IQSEC3: variants seen among roughly 807,000 people sequenced by gnomAD.
IQSEC3 encodes IQ motif and Sec7 domain ArfGEF 3.
IQSEC3 carries 50 observed loss-of-function variants against 105.4 expected under a neutral mutation model. The ratio of observed to expected loss-of-function variants is 0.47; its 90% CI spans 0.38 to 0.60. The LOEUF (loss-of-function observed/expected upper bound fraction) is 0.60. IQSEC3 is among the 20% of genes least tolerant of loss of function. The probability of loss-of-function intolerance (pLI) is 0.00; values close to 1 mark genes in which losing one functional copy is unlikely to be tolerated. For missense variants in IQSEC3, 1,415 were observed against 1,630.0 expected, an observed-to-expected ratio of 0.87 and a Z score of 2.27; for synonymous variants, 708 against 746.0, an observed-to-expected ratio of 0.95 and a Z score of 0.83.
chr12:116,259 C>T (rs1227263248), intron 2 of IQSEC3, among the ~76,000 whole-genome samples: 2 of 152,148 alleles, frequency 1.3e-5, no homozygotes, highest in Non-Finnish European at 2.9e-5. Context: ...CCCTAGTGGT[C>T]GGGCTCCAAG....
At chr12:118,442 ATGT>A (rs1188658052) in intron 2 of IQSEC3, among the ~76,000 whole-genome samples, 1 of 151,004 alleles carries the variant, frequency 6.6e-6, no homozygotes, top group Non-Finnish European at 1.5e-5. Context: ...GACGTGACGC[ATGT>A]TGTTAGCTTT....
chr12:118,104 G>A (rs140879224), intron 2 of IQSEC3, among the ~76,000 whole-genome samples: 2 of 152,332 alleles, frequency 1.3e-5, no homozygotes, highest in African/African-American at 4.8e-5. Flanking sequence ...AGAGCCCAGA[G>A]AGGGGAAGTG....
At chr12:115,081 G>C (rs1865007735) in intron 2 of IQSEC3, among the ~76,000 whole-genome samples, 1 of 152,242 alleles carries the variant, frequency 6.6e-6, no homozygotes, top group African/African-American at 2.4e-5. Flanking sequence ...AGGGAAACAA[G>C]TGGGGAATCT....
In IQSEC3 at chr12:80,969, G is replaced by A. The variant is rs535576790; in HGVS notation, c.554+13533G>A. Among the ~76,000 whole-genome samples, 8 of 152,330 alleles carry A rather than the reference G, an allele frequency of 5.3e-5. No homozygotes were observed. In the East Asian group the frequency reaches 9.6e-4, roughly 18 times the overall value. On this transcript the variant is annotated intron_variant, in intron 1 of 13. Coordinates refer to ENST00000538872, the MANE Select transcript of IQSEC3 (RefSeq NM_001170738.2). The stretch of plus-strand genomic sequence containing the variant: ...AAGGGCCGAGAGCACAGGGAGAGGC[G>A]CCTGAGGCCAAGTCAGAGAGATTGT...
rs1555092234 is a variant in IQSEC3 at position 150,166 on chromosome 12, G to A, written c.2154-6859G>A. Among the ~76,000 whole-genome samples the A allele has an allele frequency of 2.6e-5, 4 of 152,190 alleles. No individual in the cohort carries two copies. The South Asian group carries it at 6.2e-4, about 24-fold the overall frequency. On this transcript the variant is annotated intron_variant, in intron 5 of 13. Transcript: ENST00000538872. ...GAGAAGCAGCAGGGCCATGGCCCACGTGGGAGGGAGCCAGGCAGCCAGCGC... is the reference window on the plus strand; with the variant it reads ...GAGAAGCAGCAGGGCCATGGCCCACATGGGAGGGAGCCAGGCAGCCAGCGC...
chr12:127,407 T>A (rs1323322213), intron 3 of IQSEC3, among the ~76,000 whole-genome samples: 1 of 152,132 alleles, frequency 6.6e-6, no homozygotes, highest in Non-Finnish European at 1.5e-5. Flanking sequence ...TAATCCCAGC[T>A]ACTCAGGAGG....
rs1591708698 is a variant in IQSEC3 at position 139,288 on chromosome 12, C to T, written c.1925C>T (p.Ser642Leu). The T allele has an allele frequency of 1.2e-6, 2 of 1,607,182 alleles. No homozygotes were observed. The highest frequency in any genetic ancestry group is 1.7e-4 in the Middle Eastern group (1 of 6,054). ...YHCENPASCK[S>L]PTLSTDTLRK... ...TGCGAGAACCCAGCCAGCTGCAAGT[C>T]GCCCACGCTCTCCACCGACACCCTG... The change falls in exon 4 of 14, where the codon TCG (serine) becomes TTG (leucine). Residue 642 changes from serine (S) to leucine (L), a missense_variant. Transcript: ENST00000538872.
intron 3 of IQSEC3, among the ~76,000 whole-genome samples, chr12:134,612 G>T (rs1379516560): frequency 3.3e-5 from 5 of 152,270 alleles, no homozygotes; most frequent in Admixed American, 3.3e-4. Context: ...TGTGAAATCT[G>T]GCCGGGCGCA....
At position 172,388 on chromosome 12, in the gene IQSEC3, C is replaced by A. The variant is rs58790778; in HGVS notation, c.3114+1227C>A. ...TTCTTGAGCCTTGCAGATAAGCACA[C>A]CCGTGCCCAGCCCTCTGTTCTGTTC... On this transcript the variant is annotated intron_variant, in intron 13 of 13. Coordinates refer to ENST00000538872, the MANE Select transcript of IQSEC3 (RefSeq NM_001170738.2). 6.0e-3 allele frequency among the ~76,000 whole-genome samples: 907 copies of A among 152,220 alleles called. 9 individuals carry two copies. The highest frequency in any genetic ancestry group is 0.021 in the African/African-American group (860 of 41,518).
Position 125,710 on chromosome 12 carries a change from C to T in IQSEC3, c.701C>T (p.Pro234Leu), listed in dbSNP as rs1555083089. ...GCGGCGGCGGTGGCAGCCGGCAGAC[C>T]CAGTGCCCATGCCCCGAAGGCTCAA... is the stretch of plus-strand genomic sequence containing the variant. ...VAAAAVAAGRPSAHAPKAQAQ... is the reference protein window; with the variant it reads ...VAAAAVAAGRLSAHAPKAQAQ... The change falls in exon 3 of 14, where the codon CCC becomes CTC. Residue 234 changes from proline (P) to leucine (L), a missense_variant. Physicochemically the swap from Pro to Leu is moderately conservative, Grantham distance 98. Around this residue, in one of 6 missense-constraint regions of IQSEC3, gnomAD observed 720 missense variants for 633.0 expected, o/e 1.14. Coordinates refer to ENST00000538872, the MANE Select transcript of IQSEC3 (RefSeq NM_001170738.2). 7.2e-6 allele frequency: 11 copies of T among 1,537,980 alleles called. No individual in the cohort carries two copies. The highest frequency in any genetic ancestry group is 9.5e-6 in the Non-Finnish European group (11 of 1,152,872).
intron 12 of IQSEC3, among the ~76,000 whole-genome samples, chr12:170,578 G>T (rs1487572893): frequency 6.6e-6 from 1 of 152,216 alleles, no homozygotes; most frequent in African/African-American, 2.4e-5. Context: ...TGTCCGTGGG[G>T]GTCCGCAGGG....
intron 2 of IQSEC3, among the ~76,000 whole-genome samples, chr12:100,016 G>A (rs1355937432): frequency 8.1e-5 from 12 of 148,010 alleles, no homozygotes; most frequent in African/African-American, 2.3e-4. Flanking sequence ...CATTCTGCAC[G>A]TTTCTCTTTT....
intron 3 of IQSEC3, among the ~76,000 whole-genome samples, chr12:135,117 G>T (rs557132477): frequency 1.3e-5 from 2 of 152,120 alleles, no homozygotes; most frequent in African/African-American, 4.8e-5. Context: ...GTGACAGAGC[G>T]GGACTCCATC....
chr12:165,899 A>T lies in IQSEC3; in HGVS notation c.2971+9A>T. ...GCAGATCCGAATAGAGTGTAAGGAC[A>T]CGGGCTCCCGAGGCAGCTGGTGGGG... is the stretch of plus-strand genomic sequence containing the variant. On this transcript the variant is annotated intron_variant, in intron 11 of 13. Coordinates refer to ENST00000538872, the MANE Select transcript of IQSEC3 (RefSeq NM_001170738.2). 6.2e-7 allele frequency: 1 copy of T among 1,609,684 alleles called. No individual in the cohort carries two copies. The highest frequency in any genetic ancestry group is 1.1e-5 in the South Asian group (1 of 90,906).
chr12:103,089 C>T (rs892266070), intron 2 of IQSEC3, among the ~76,000 whole-genome samples: 1 of 152,078 alleles, frequency 6.6e-6, no homozygotes, highest in African/African-American at 2.4e-5. Context: ...CCCTACCGAC[C>T]GCCTCCCTGC....
At chr12:120,237 G>A (rs2136958656) in intron 2 of IQSEC3, among the ~76,000 whole-genome samples, 1 of 152,322 alleles carries the variant, frequency 6.6e-6, no homozygotes, top group East Asian at 1.9e-4. Context: ...GGGGAAGTGA[G>A]CGATTCCTGA....
intron 6 of IQSEC3, 99 bp from the exon 7 acceptor site, chr12:157,429 G>A (rs782813856): frequency 1.4e-4 from 192 of 1,355,192 alleles, no homozygotes; most frequent in Non-Finnish European, 1.5e-4. Context: ...TAAAGCCTTC[G>A]GAGAGCTGGG....
At chr12:105,290 G>T (rs555580733) in intron 2 of IQSEC3, among the ~76,000 whole-genome samples, 1 of 152,230 alleles carries the variant, frequency 6.6e-6, no homozygotes, top group African/African-American at 2.4e-5. Flanking sequence ...ATCCCCACAA[G>T]CCCCCTGCAG....
intron 3 of IQSEC3, 88 bp downstream of exon 3, chr12:126,000 G>T: frequency 1.5e-6 from 2 of 1,306,672 alleles, no homozygotes; most frequent in Non-Finnish European, 2.1e-6. Flanking sequence ...ATCCCCGCTG[G>T]GTCCCCTCCG....
Sources: gnomAD v4.1 joint callset for allele counts (sites outside exome capture counted in the v4.1 genomes callset) on GRCh38, gnomAD v4.1.1 for gene constraint, gnomAD v4.1.1 regional missense constraint, MANE v1.5 for transcripts, NCBI Gene and HGNC (gene_info 2026-07-23, HGNC 2026-07-21) for gene names.